PTN: variants seen among roughly 807,000 people sequenced by gnomAD.
PTN encodes heparin affin regulatory protein.
A neutral mutation model predicts 24.1 loss-of-function variants in PTN; 18 were observed. The observed-to-expected ratio is 0.75, with a 90% CI of 0.52 to 1.11. PTN has a LOEUF of 1.11. Ranked by LOEUF, PTN falls within the 50% of genes least tolerant of loss-of-function variation. The pLI is 0.00. For missense variants in PTN, 163 were observed against 198.8 expected (o/e 0.82, Z 1.08); for synonymous variants, 78 against 68.6 (o/e 1.14, Z -0.67).
chr7:137,332,098 G>A (rs1464320728), intron 1 of PTN, among the ~76,000 whole-genome samples: 2 of 152,098 alleles, frequency 1.3e-5, no homozygotes, highest in African/African-American at 2.4e-5. Flanking sequence ...AGAATCAAGT[G>A]CATATGTTAA....
intron 1 of PTN, among the ~76,000 whole-genome samples, chr7:137,284,761 T>C (rs1809527814): frequency 6.6e-6 from 1 of 152,168 alleles, no homozygotes; most frequent in Admixed American, 6.5e-5. Context: ...GAAGATTCCC[T>C]CCTTCACCTG....
intron 1 of PTN, among the ~76,000 whole-genome samples, chr7:137,298,327 A>C (rs1809751935): frequency 1.3e-5 from 2 of 151,936 alleles, no homozygotes; most frequent in Non-Finnish European, 1.5e-5. Flanking sequence ...AAACTGTCCA[A>C]AAGTTTACTG....
intron 1 of PTN, among the ~76,000 whole-genome samples, chr7:137,257,860 T>C (rs938731050): frequency 3.3e-5 from 5 of 152,144 alleles, no homozygotes; most frequent in Admixed American, 6.5e-5. Context: ...TGCTCATCCA[T>C]AGTCCTATGA....
rs1444821237 is a variant in PTN at position 137,304,820 on chromosome 7, G to A, written c.-2+38619C>T. Among the ~76,000 whole-genome samples, 4 of 152,020 alleles carry A rather than the reference G, an allele frequency of 2.6e-5. No homozygotes were observed. The East Asian group carries it at 7.7e-4, about 29-fold the overall frequency. ...GAACCTCTGAGCTTGTCTTCTTTAA[G>A]CATCCTGGTGGCGCTGTTTGGGAGC... On this transcript the variant is annotated intron_variant, in intron 1 of 4. Transcript: ENST00000348225.
chr7:137,282,236 A>G (rs1809485258), intron 1 of PTN, among the ~76,000 whole-genome samples: 1 of 152,232 alleles, frequency 6.6e-6, no homozygotes, highest in African/African-American at 2.4e-5. Context: ...TTTTGTTTTT[A>G]GAGAAGCTAT....
At chr7:137,308,878 CCT>C (rs1350758579) in intron 1 of PTN, among the ~76,000 whole-genome samples, 1 of 152,110 alleles carries the variant, frequency 6.6e-6, no homozygotes, top group African/African-American at 2.4e-5. Context: ...CATTTTGACC[CCT>C]GACGGGCCCA....
intron 1 of PTN, among the ~76,000 whole-genome samples, chr7:137,308,288 T>TTTTGTCTA (rs1302766563): frequency 6.6e-6 from 1 of 152,168 alleles, no homozygotes; most frequent in Admixed American, 6.6e-5. Flanking sequence ...TAAATTATGG[T>TTTTGTCTA]TTTGTCTAGC....
At chr7:137,314,090 C>A (rs1166768518) in intron 1 of PTN, among the ~76,000 whole-genome samples, 1 of 151,876 alleles carries the variant, frequency 6.6e-6, no homozygotes, top group African/African-American at 2.4e-5. Flanking sequence ...GAGTGATGAG[C>A]GGGACTAGAA....
At chr7:137,299,930 A>T (rs981470575) in intron 1 of PTN, among the ~76,000 whole-genome samples, 1 of 151,934 alleles carries the variant, frequency 6.6e-6, no homozygotes, top group Non-Finnish European at 1.5e-5. Context: ...CAAATACTCA[A>T]AAGTCCCCTT....
intron 1 of PTN, among the ~76,000 whole-genome samples, chr7:137,327,738 T>C (rs991726591): frequency 3.3e-5 from 5 of 152,356 alleles, no homozygotes; most frequent in African/African-American, 1.2e-4. Flanking sequence ...CACTCTTTTA[T>C]CATTTCATTT....
intron 1 of PTN, among the ~76,000 whole-genome samples, chr7:137,291,442 G>A (rs1054757554): frequency 6.6e-6 from 1 of 152,070 alleles, no homozygotes; most frequent in African/African-American, 2.4e-5. Flanking sequence ...GAGTCTTTAT[G>A]AAAGTTGAGA....
At chr7:137,313,480 C>T (rs1810017472) in intron 1 of PTN, among the ~76,000 whole-genome samples, 1 of 152,154 alleles carries the variant, frequency 6.6e-6, no homozygotes. Context: ...AGAAGTCCAG[C>T]TTTGAATTAA....
chr7:137,280,699 CAAAAAAAAAA>C (rs58738876), intron 1 of PTN, among the ~76,000 whole-genome samples: 25 of 44,350 alleles, frequency 5.6e-4, no homozygotes, highest in South Asian at 2.9e-3. Flanking sequence ...ACTAAAAATA[CAAAAAAAAAA>C]AAAAAAAAAA....
chr7:137,274,596 A>C (rs984163507), intron 1 of PTN, among the ~76,000 whole-genome samples: 13 of 152,158 alleles, frequency 8.5e-5, no homozygotes, highest in African/African-American at 3.1e-4. Context: ...ATTTTTTTAA[A>C]AGATAGAATA....
chr7:137,312,863 A>G (rs1355661737), intron 1 of PTN, among the ~76,000 whole-genome samples: 5 of 152,152 alleles, frequency 3.3e-5, no homozygotes. Flanking sequence ...CTAATTTACT[A>G]CTCTTTACCT....
intron 1 of PTN, among the ~76,000 whole-genome samples, chr7:137,312,503 C>T (rs1209697372): frequency 6.6e-6 from 1 of 152,222 alleles, no homozygotes; most frequent in African/African-American, 2.4e-5. Flanking sequence ...GCAATCTCCA[C>T]AGGTTCTAAG....
At chr7:137,317,143 G>A (rs1810086040) in intron 1 of PTN, among the ~76,000 whole-genome samples, 1 of 152,148 alleles carries the variant, frequency 6.6e-6, no homozygotes, top group Admixed American at 6.5e-5. Flanking sequence ...CACTCCATAT[G>A]TCAGGCTTGA....
intron 1 of PTN, among the ~76,000 whole-genome samples, chr7:137,277,094 G>A (rs1314389381): frequency 1.3e-5 from 2 of 152,116 alleles, no homozygotes; most frequent in African/African-American, 4.8e-5. Flanking sequence ...ACAAGTCAAT[G>A]GTAATAAGAA....
At chr7:137,265,538 G>A (rs967413179) in intron 1 of PTN, among the ~76,000 whole-genome samples, 2 of 152,268 alleles carry the variant, frequency 1.3e-5, no homozygotes, top group African/African-American at 4.8e-5. Flanking sequence ...AGTGAACTTA[G>A]TGTTGGGAGA....
Sources: allele counts gnomAD v4.1 joint callset (sites outside exome capture counted in the v4.1 genomes callset), GRCh38; gene constraint gnomAD v4.1.1; transcripts MANE v1.5; gene names NCBI Gene and HGNC (gene_info 2026-07-23, HGNC 2026-07-21).